CHST11: variants seen among roughly 807,000 people sequenced by gnomAD.
The protein encoded by CHST11 is carbohydrate sulfotransferase 11, also known as C4S-1.
CHST11 carries 9 observed loss-of-function variants against 30.4 expected under a neutral mutation model. The ratio of observed to expected loss-of-function variants is 0.30; its 90% confidence interval spans 0.18 to 0.52. CHST11 has a LOEUF of 0.52. Among genes scored for constraint, CHST11 ranks in the 20% least tolerant of loss-of-function variants. The pLI, the probability that CHST11 is intolerant of heterozygous loss-of-function variation, is 0.97. For missense variants in CHST11, 348 were observed against 460.6 expected (o/e 0.76, Z 2.24); for synonymous variants, 152 against 187.8 (o/e 0.81, Z 1.56).
chr12:104,514,347 C>T, intron 1 of CHST11: 1 of 955,602 alleles, frequency 1.0e-6, no homozygotes, highest in South Asian at 1.3e-5. Context: ...CAAGCAGCAG[C>T]TCTTCTTCTA....
At chr12:104,681,587 C>A (rs1198749785) in intron 2 of CHST11, among the ~76,000 whole-genome samples, 7 of 152,228 alleles carry the variant, frequency 4.6e-5, no homozygotes, top group African/African-American at 1.4e-4. Flanking sequence ...TCTCAAGCTG[C>A]TTTTTAAAAA....
chr12:104,461,515 G>A (rs943781931), intron 1 of CHST11, among the ~76,000 whole-genome samples: 1 of 152,210 alleles, frequency 6.6e-6, no homozygotes, highest in Non-Finnish European at 1.5e-5. Context: ...GGCCCCCCAG[G>A]CTGCATTGGC....
chr12:104,495,817 T>C (rs1192214664), intron 1 of CHST11, among the ~76,000 whole-genome samples: 5 of 152,250 alleles, frequency 3.3e-5, no homozygotes, highest in South Asian at 2.1e-4. Flanking sequence ...CCCAACCGTC[T>C]GGCTACTAGG....
At chr12:104,514,197 A>G in intron 1 of CHST11, 1 of 905,442 alleles carries the variant, frequency 1.1e-6, no homozygotes, top group Non-Finnish European at 1.8e-6. Flanking sequence ...GTTCCAGACC[A>G]GTGTTGTCTC....
chr12:104,752,587 C>T (rs1351825169), intron 2 of CHST11, among the ~76,000 whole-genome samples: 1 of 152,060 alleles, frequency 6.6e-6, no homozygotes, highest in African/African-American at 2.4e-5. Context: ...GAGTGCAGTG[C>T]CGCGATCGCG....
chr12:104,670,551 T>C (rs1270508216), intron 2 of CHST11, among the ~76,000 whole-genome samples: 2 of 144,742 alleles, frequency 1.4e-5, no homozygotes, highest in Non-Finnish European at 3.0e-5. Context: ...ACACACACAC[T>C]CCCACACATA....
At chr12:104,542,510 G>T (rs1388964880) in intron 1 of CHST11, among the ~76,000 whole-genome samples, 1 of 152,228 alleles carries the variant, frequency 6.6e-6, no homozygotes. Flanking sequence ...GCCAGACACA[G>T]AAGGACAAAT....
At chr12:104,460,403 C>T (rs1333540141) in intron 1 of CHST11, among the ~76,000 whole-genome samples, 2 of 152,120 alleles carry the variant, frequency 1.3e-5, no homozygotes, top group Admixed American at 6.5e-5. Context: ...GTGGCTCATA[C>T]CTGGAATCCC....
At chr12:104,492,485 G>C (rs1257967497) in intron 1 of CHST11, among the ~76,000 whole-genome samples, 1 of 152,108 alleles carries the variant, frequency 6.6e-6, no homozygotes, top group Non-Finnish European at 1.5e-5. Context: ...CTGTCTCTCT[G>C]CCCCTCACTA....
intron 1 of CHST11, among the ~76,000 whole-genome samples, chr12:104,465,969 C>T (rs1412371508): frequency 6.6e-6 from 1 of 151,950 alleles, no homozygotes; most frequent in Non-Finnish European, 1.5e-5. Context: ...AAGCGATTCT[C>T]CTGCCTCAGC....
chr12:104,712,441 C>A (rs2040095508), intron 2 of CHST11, among the ~76,000 whole-genome samples: 3 of 152,172 alleles, frequency 2.0e-5, no homozygotes, highest in Admixed American at 2.0e-4. Flanking sequence ...ACAACCACTT[C>A]TTTACACGTG....
intron 1 of CHST11, among the ~76,000 whole-genome samples, chr12:104,475,688 A>ATATATATATATATATATGTT (rs1555226434): frequency 1.3e-5 from 1 of 78,470 alleles, no homozygotes; most frequent in South Asian, 4.3e-4. Flanking sequence ...ATATATATAT[A>ATATATATATATATATATGTT]TATTTCTGAT....
chr12:104,488,736 T>TAC (rs928070661), intron 1 of CHST11, among the ~76,000 whole-genome samples: 2 of 105,504 alleles, frequency 1.9e-5, no homozygotes, highest in East Asian at 3.4e-4. Context: ...TGTGTATGTG[T>TAC]ACGCGTGTGT....
In CHST11 at chr12:104,704,811, G is replaced by A. The variant is rs890727697; in HGVS notation, c.205-52138G>A. ...TTGTTCTTGGTGGCTTGGCCCCGAGGTATGGAGGAAAGCGGAAGGTTGTTG... is the reference window on the plus strand; with the variant it reads ...TTGTTCTTGGTGGCTTGGCCCCGAGATATGGAGGAAAGCGGAAGGTTGTTG... On this transcript the variant is annotated intron_variant, in intron 2 of 2. Transcript: ENST00000303694. Among the ~76,000 whole-genome samples, 3 of 152,042 alleles carry A rather than the reference G, an allele frequency of 2.0e-5. No homozygotes were observed. The South Asian group carries it at 6.2e-4, about 32-fold the overall frequency.
intron 2 of CHST11, among the ~76,000 whole-genome samples, chr12:104,744,916 C>A (rs1288042988): frequency 6.6e-6 from 1 of 151,856 alleles, no homozygotes; most frequent in East Asian, 1.9e-4. Context: ...CTCTCTTGCC[C>A]AGGCTGGAGT....
chr12:104,496,160 C>G (rs146860823), intron 1 of CHST11, among the ~76,000 whole-genome samples: 82 of 152,280 alleles, frequency 5.4e-4, no homozygotes, highest in African/African-American at 1.9e-3. Context: ...TTTCTTGACA[C>G]TATTCCACTT....
chr12:104,516,006 G>A (rs2038018932), intron 1 of CHST11, among the ~76,000 whole-genome samples: 2 of 152,228 alleles, frequency 1.3e-5, no homozygotes, highest in African/African-American at 4.8e-5. Flanking sequence ...TTTATCTTCA[G>A]AACAATAGGA....
chr12:104,460,480 A>G (rs926708297), intron 1 of CHST11, among the ~76,000 whole-genome samples: 3 of 152,020 alleles, frequency 2.0e-5, no homozygotes, highest in East Asian at 3.9e-4. Context: ...CCTGGCCAAC[A>G]TGGCGAAACC....
At chr12:104,646,954 T>C (rs1320530284) in intron 2 of CHST11, among the ~76,000 whole-genome samples, 1 of 152,256 alleles carries the variant, frequency 6.6e-6, no homozygotes, top group African/African-American at 2.4e-5. Context: ...AAGTACCTGC[T>C]GTCAGACCAG....
Sources: allele counts gnomAD v4.1 joint callset (sites outside exome capture counted in the v4.1 genomes callset), GRCh38; gene constraint gnomAD v4.1.1; transcripts MANE v1.5; gene names NCBI Gene and HGNC (gene_info 2026-07-23, HGNC 2026-07-21).